The following ZNF536 variants were observed in gnomAD, a reference collection of about 807,000 sequenced individuals.
ZNF536 encodes zinc finger protein 536.
Under a neutral mutation model 84.5 loss-of-function variants are expected in ZNF536, and 13 were observed. The observed-to-expected ratio is 0.15, with a 90% confidence interval of 0.10 to 0.24. The LOEUF (loss-of-function observed/expected upper bound fraction) is 0.24, where lower values mean the gene tolerates loss of function less well. Ranked by LOEUF, ZNF536 falls within the 10% of genes least tolerant of loss-of-function variation. The pLI is 1.00. For synonymous variants in ZNF536, 811 were observed against 742.5 expected (o/e 1.09, Z -1.50); for missense variants, 1,536 against 1,747.5 (o/e 0.88, Z 2.16).
chr19:30,706,741 C>T (rs2052249911), intron 1 of ZNF536, among the ~76,000 whole-genome samples: 1 of 152,140 alleles, frequency 6.6e-6, no homozygotes. Context: ...GTGACATTCT[C>T]CATCAATAAA....
intron 1 of ZNF536, among the ~76,000 whole-genome samples, chr19:30,644,140 T>C (rs867903632): frequency 1.3e-5 from 2 of 152,200 alleles, no homozygotes; most frequent in South Asian, 2.1e-4. Context: ...TCCACTTCAG[T>C]TGTCCCTGGG....
At chr19:30,641,813 G>A (rs777802938) in intron 1 of ZNF536, among the ~76,000 whole-genome samples, 5 of 152,178 alleles carry the variant, frequency 3.3e-5, no homozygotes, top group Non-Finnish European at 5.9e-5. Flanking sequence ...TCTCTTGGCC[G>A]GGATGTAATG....
chr19:30,457,704 G>A (rs1378505688), intron 2 of ZNF536, among the ~76,000 whole-genome samples: 2 of 152,224 alleles, frequency 1.3e-5, no homozygotes, highest in African/African-American at 2.4e-5. Flanking sequence ...GTGGTCAGGG[G>A]TGTGAGGCTC....
rs549784245 is a variant in ZNF536, at chr19:30,401,638, C to T, written c.-3+29082C>T. Among the ~76,000 whole-genome samples the T allele has an allele frequency of 1.2e-3, 190 of 152,236 alleles. 2 individuals are homozygous for T. Among genetic ancestry groups the T allele is most frequent in the Non-Finnish European group, 2.4e-3 (166 of 68,018 alleles). ...ATTTTTTCTATAATGGGGTAAAAAC[C>T]GTAAGTAAACAGAATTATCATAACC... On this transcript the variant is annotated intron_variant, in intron 1 of 4. Coordinates refer to ENST00000355537, the MANE Select transcript of ZNF536 (RefSeq NM_014717.3).
At chr19:30,299,009 G>C (rs191866649) in intron 2 of ZNF536, among the ~76,000 whole-genome samples, 8 of 91,212 alleles carry the variant, frequency 8.8e-5, no homozygotes, top group East Asian at 9.2e-4. Context: ...CCTGCCAAAG[G>C]GGGGGCCTGG....
chr19:30,621,455 G>A (rs755961790), intron 1 of ZNF536, among the ~76,000 whole-genome samples: 1 of 152,028 alleles, frequency 6.6e-6, no homozygotes, highest in Non-Finnish European at 1.5e-5. Flanking sequence ...GGACTCAGAG[G>A]CTGAAATCAA....
chr19:30,491,139 G>C (rs552446634), intron 2 of ZNF536, among the ~76,000 whole-genome samples: 1 of 152,124 alleles, frequency 6.6e-6, no homozygotes, highest in South Asian at 2.1e-4. Flanking sequence ...AAAACAAACG[G>C]CAAGTCCTAT....
intron 1 of ZNF536, among the ~76,000 whole-genome samples, chr19:30,392,211 C>G (rs2049621663): frequency 6.6e-6 from 1 of 152,090 alleles, no homozygotes; most frequent in African/African-American, 2.4e-5. Context: ...AGGGGAGGCC[C>G]AGCGCTCTCA....
chr19:30,539,245 G>C, intron 3 of ZNF536, among the ~76,000 whole-genome samples: 1 of 152,142 alleles, frequency 6.6e-6, no homozygotes, highest in East Asian at 1.9e-4. Flanking sequence ...AGAGCTGATG[G>C]TGTAAATTCC....
At chr19:30,234,423 G>C (rs1486487476) in intron 1 of ZNF536, among the ~76,000 whole-genome samples, 2 of 80,248 alleles carry the variant, frequency 2.5e-5, no homozygotes, top group African/African-American at 1.1e-4. Context: ...TTTTTTTTGA[G>C]ACAGAGTCTT....
intron 1 of ZNF536, among the ~76,000 whole-genome samples, chr19:30,434,902 T>C (rs558134277): frequency 0.017 from 1,275 of 76,616 alleles, 20 homozygotes; most frequent in African/African-American, 0.064. Flanking sequence ...CTGCTGATGA[T>C]GGTGATGATG....
chr19:30,374,565 A>T (rs2048733450), intron 1 of ZNF536, among the ~76,000 whole-genome samples: 1 of 152,182 alleles, frequency 6.6e-6, no homozygotes, highest in Non-Finnish European at 1.5e-5. Context: ...CCCTGAAGAA[A>T]GGCGCCTTGG....
At chr19:30,316,239 A>G (rs2046674095) in intron 2 of ZNF536, among the ~76,000 whole-genome samples, 1 of 152,204 alleles carries the variant, frequency 6.6e-6, no homozygotes, top group Non-Finnish European at 1.5e-5. Flanking sequence ...ATACATGTCT[A>G]CCAATATTGT....
intron 1 of ZNF536, among the ~76,000 whole-genome samples, chr19:30,639,056 T>G (rs1288388929): frequency 6.6e-6 from 1 of 152,222 alleles, no homozygotes; most frequent in African/African-American, 2.4e-5. Context: ...ATTTGTATCT[T>G]TGGTAGGCCT....
intron 1 of ZNF536, among the ~76,000 whole-genome samples, chr19:30,695,248 TGCCAGGCTCTGAGCAGG>T: frequency 6.6e-6 from 1 of 152,212 alleles, no homozygotes; most frequent in Middle Eastern, 3.4e-3. Context: ...GGAAGCCAAG[TGCCAGGCTCTGAGCAGG>T]GTGTGCATAG....
chr19:30,645,393 T>A (rs2147381121), intron 1 of ZNF536, among the ~76,000 whole-genome samples: 1 of 152,352 alleles, frequency 6.6e-6, no homozygotes, highest in South Asian at 2.1e-4. Context: ...TTTGTCAATT[T>A]TGGCTTTTGC....
intron 3 of ZNF536, among the ~76,000 whole-genome samples, chr19:30,546,171 C>G (rs1358289285): frequency 1.3e-5 from 2 of 152,184 alleles, no homozygotes; most frequent in Admixed American, 1.3e-4. Context: ...GCCTGGCCTG[C>G]GATGGGATGT....
chr19:30,686,093 C>T (rs1434362510), intron 1 of ZNF536, among the ~76,000 whole-genome samples: 1 of 152,152 alleles, frequency 6.6e-6, no homozygotes, highest in East Asian at 1.9e-4. Flanking sequence ...TTGCCCCTTC[C>T]CTCTCTCACG....
intron 1 of ZNF536, among the ~76,000 whole-genome samples, chr19:30,271,979 G>A (rs1771631841): frequency 6.6e-6 from 1 of 152,212 alleles, no homozygotes; most frequent in African/African-American, 2.4e-5. Flanking sequence ...GTCGTTGAAA[G>A]CCAAGAGCAC....
Sources: allele counts gnomAD v4.1 joint callset (sites outside exome capture counted in the v4.1 genomes callset), GRCh38; gene constraint gnomAD v4.1.1; transcripts MANE v1.5; gene names NCBI Gene and HGNC (gene_info 2026-07-23, HGNC 2026-07-21).